SLC1A4: variants seen among roughly 807,000 people sequenced by gnomAD.
The protein encoded by SLC1A4 is neutral amino acid transporter A.
A neutral mutation model predicts 37.7 loss-of-function variants in SLC1A4; 19 were observed. The ratio of observed to expected loss-of-function variants is 0.50; its 90% confidence interval spans 0.35 to 0.74. The LOEUF (loss-of-function observed/expected upper bound fraction) is 0.74. SLC1A4 is among the 30% of genes least tolerant of loss of function. The pLI is 0.01. For missense variants in SLC1A4, 570 were observed against 712.9 expected (o/e 0.80, Z 2.28); for synonymous variants, 299 against 309.8 (o/e 0.97, Z 0.37).
At chr2:65,020,085 T>C (rs899368193) in intron 7 of SLC1A4, among the ~76,000 whole-genome samples, 3 of 152,214 alleles carry the variant, frequency 2.0e-5, no homozygotes, top group African/African-American at 7.2e-5. Context: ...GAAAGGATAG[T>C]GATATTTTCT....
chr2:65,007,724 T>A (rs774725580), intron 3 of SLC1A4, among the ~76,000 whole-genome samples: 3 of 152,188 alleles, frequency 2.0e-5, no homozygotes, highest in Non-Finnish European at 4.4e-5. Flanking sequence ...TAAATGTGCA[T>A]AGTTTGGGGG....
In SLC1A4 at chr2:65,021,054, G is replaced by A. The variant is rs370627888; in HGVS notation, c.1507G>A (p.Glu503Lys). Reference sequence around the variant, plus strand: ...GGAAGCCATCCCCAACTGCAAGTCTGAGGAGGAGACATCGCCCCTGGTGAC... The same window carrying A: ...GGAAGCCATCCCCAACTGCAAGTCTAAGGAGGAGACATCGCCCCTGGTGAC... Reference protein sequence around the residue: ...KVEAIPNCKSEEETSPLVTHQ... With the variant: ...KVEAIPNCKSKEETSPLVTHQ... The change falls in exon 8 of 8, where the codon GAG (glutamate) becomes AAG (lysine). Residue 503 changes from glutamate (E) to lysine (K), a missense_variant. Physicochemically the swap from Glu to Lys is moderately conservative, Grantham distance 56 (BLOSUM62 1). Transcript: ENST00000234256. The A allele has an allele frequency of 6.2e-7, 1 of 1,614,240 alleles. No individual in the cohort carries two copies. The highest frequency in any genetic ancestry group is 8.5e-7 in the Non-Finnish European group (1 of 1,180,034).
chr2:64,993,105 T>A (rs566378385), intron 1 of SLC1A4, among the ~76,000 whole-genome samples: 2 of 152,368 alleles, frequency 1.3e-5, no homozygotes, highest in South Asian at 4.1e-4. Context: ...GAAATGAGAC[T>A]CTGCCAGTAA....
chr2:64,991,434 T>TTA (rs945473000), intron 1 of SLC1A4, among the ~76,000 whole-genome samples: 10 of 150,856 alleles, frequency 6.6e-5, no homozygotes, highest in Admixed American at 2.0e-4. Context: ...TTTTTTTTTT[T>TTA]TTTTTTTTTT....
chr2:64,992,985 A>T (rs975588652), intron 1 of SLC1A4, among the ~76,000 whole-genome samples: 1 of 152,206 alleles, frequency 6.6e-6, no homozygotes, highest in African/African-American at 2.4e-5. Flanking sequence ...CATCAAAATT[A>T]AAAAATTGCT....
chr2:65,007,280 GTGT>G (rs1002586536), intron 3 of SLC1A4, among the ~76,000 whole-genome samples: 1 of 151,646 alleles, frequency 6.6e-6, no homozygotes, highest in Non-Finnish European at 1.5e-5. Flanking sequence ...TTGTGTGTGT[GTGT>G]GTGTGTCTGT....
intron 5 of SLC1A4, among the ~76,000 whole-genome samples, chr2:65,017,213 T>C (rs1674176079): frequency 1.3e-5 from 2 of 152,140 alleles, no homozygotes; most frequent in South Asian, 4.1e-4. Context: ...TCTCCCTTTC[T>C]GGATATGTGA....
rs748525795 is a variant in SLC1A4 at position 65,020,988 on chromosome 2, G to C, written c.1441G>C (p.Ala481Pro). 6.2e-7 allele frequency: 1 copy of C among 1,614,242 alleles called. No homozygotes were observed. Among genetic ancestry groups the C allele is most frequent in the Non-Finnish European group, 8.5e-7 (1 of 1,180,042 alleles). Residue 481 changes from alanine (A) to proline (P), a missense_variant, in exon 8 of 8, where the codon GCA becomes CCA. Physicochemically the swap from Ala to Pro is conservative, Grantham distance 27. Coordinates refer to ENST00000234256, the MANE Select transcript of SLC1A4 (RefSeq NM_003038.5). ...CATTCTCCACCACCTGAATCAGAAG[G>C]CAACAAAGAAAGGCGAGCAGGAACT... ...AGILHHLNQKATKKGEQELAE... is the reference protein window; with the variant it reads ...AGILHHLNQKPTKKGEQELAE...
chr2:64,991,394 C>T (rs1469573493), intron 1 of SLC1A4, among the ~76,000 whole-genome samples: 1 of 148,422 alleles, frequency 6.7e-6, no homozygotes, highest in Non-Finnish European at 1.5e-5. Context: ...TAGTGGTGGC[C>T]TATTAGGACT....
intron 1 of SLC1A4, chr2:64,999,724 T>C (rs1673393415): frequency 6.6e-6 from 1 of 151,950 alleles, no homozygotes; most frequent in Admixed American, 6.6e-5. Flanking sequence ...CTCAGTTGGC[T>C]CTTGGCTGGA....
chr2:65,004,786 T>C (rs1176383082), intron 3 of SLC1A4, among the ~76,000 whole-genome samples: 2 of 152,218 alleles, frequency 1.3e-5, no homozygotes, highest in East Asian at 3.8e-4. Flanking sequence ...GATACTTGCA[T>C]TTACTTAGAA....
Position 64,990,261 on chromosome 2 carries a change from A to C in SLC1A4, c.527+91A>C, listed in dbSNP as rs937956961. On this transcript the variant is annotated intron_variant, in intron 1 of 7. Transcript: ENST00000234256. ...TACACCCATATGCTTATACACTCCT[A>C]AGAGTTAATTCTTAGCTGGCTGCTG... is the stretch of plus-strand genomic sequence containing the variant. The C allele has an allele frequency of 4.2e-6, 5 of 1,197,480 alleles. No homozygotes were observed. In the African/African-American group the frequency reaches 7.7e-5, roughly 19 times the overall value. The allele number at this position is 1,197,480 out of a possible 1,614,324, so 74.2% of individuals were successfully genotyped here.
Position 65,018,232 on chromosome 2 carries a change from T to C in SLC1A4, c.1196T>C (p.Val399Ala), listed in dbSNP as rs770439879. Residue 399 changes from valine to alanine, a missense_variant, in exon 6 of 8, where the codon GTA becomes GCA. By Grantham distance (64) the Val-to-Ala change is moderately conservative. Transcript: ENST00000234256. The surrounding 1 kb of genome is among the most constrained non-coding windows in gnomAD (Gnocchi z 4.3). Reference protein sequence around the residue: ...AAVFIAQLNNVELNAGQIFTI... With the variant: ...AAVFIAQLNNAELNAGQIFTI... The stretch of plus-strand genomic sequence containing the variant: ...GTGTTCATTGCGCAACTCAACAACG[T>C]AGAGCTCAACGCAGGACAGATTTTC... The C allele has an allele frequency of 6.2e-7, 1 of 1,614,138 alleles. No homozygotes were observed. The highest frequency in any genetic ancestry group is 8.5e-7 in the Non-Finnish European group (1 of 1,180,010).
At chr2:65,000,879 C>G (rs1454976582) in intron 1 of SLC1A4, 3 of 152,596 alleles carry the variant, frequency 2.0e-5, no homozygotes, top group Non-Finnish European at 2.9e-5. Flanking sequence ...CCTACACACT[C>G]CCCCCAATTG....
chr2:64,989,769 A>G lies in SLC1A4; in HGVS notation c.126A>G (p.Gln42=), dbSNP rs1370427284. ...ARRCAGFLRR[Q]ALVLLTVSGV... ...GTTGCGCGGGCTTCCTGCGGCGCCA[A>G]GCGCTGGTGCTGCTCACCGTGTCCG... Residue 42 remains glutamine (Q), a synonymous_variant, in exon 1 of 8, where the codon CAA becomes CAG. Transcript: ENST00000234256. The G allele has an allele frequency of 5.5e-6, 8 of 1,449,522 alleles. No homozygotes were observed. Among genetic ancestry groups the G allele is most frequent in the Admixed American group, 3.1e-5 (1 of 32,250 alleles). The allele number at this position is 1,449,522 out of a possible 1,614,324, so 89.8% of individuals were successfully genotyped here. A position where few individuals can be genotyped will look rare whatever the true frequency, so the allele number is the denominator to read the frequency against.
chr2:64,990,936 G>A (rs961620776), intron 1 of SLC1A4, among the ~76,000 whole-genome samples: 1 of 152,184 alleles, frequency 6.6e-6, no homozygotes, highest in Admixed American at 6.5e-5. Flanking sequence ...AGATGATGTA[G>A]TATCCTTTCT....
At position 65,016,679 on chromosome 2, in the gene SLC1A4, T is replaced by G; in HGVS notation, c.1034+6T>G. 1 of 1,595,572 alleles carries G rather than the reference T, an allele frequency of 6.3e-7. No homozygotes were observed. The highest frequency in any genetic ancestry group is 2.2e-5 in the East Asian group (1 of 44,804). On this transcript the variant is annotated splice_donor_region_variant and intron_variant, in intron 5 of 7. Coordinates refer to ENST00000234256, the MANE Select transcript of SLC1A4 (RefSeq NM_003038.5). Reference sequence around the variant, plus strand: ...GCATTTGCTACCTGCTCCAGGTGAGTGGGTTTTGGGTCTCTTCACTGCTCT... The same window carrying G: ...GCATTTGCTACCTGCTCCAGGTGAGGGGGTTTTGGGTCTCTTCACTGCTCT...
At chr2:64,996,799 C>T (rs1362076479) in intron 1 of SLC1A4, among the ~76,000 whole-genome samples, 1 of 152,136 alleles carries the variant, frequency 6.6e-6, no homozygotes, top group African/African-American at 2.4e-5. Flanking sequence ...GGGGATAGAA[C>T]TGGATCACCT....
chr2:65,008,847 T>C (rs1572960012), intron 3 of SLC1A4, among the ~76,000 whole-genome samples: 2 of 152,314 alleles, frequency 1.3e-5, no homozygotes, highest in East Asian at 3.9e-4. Context: ...ATAGCAACTT[T>C]ACATATTAGC....
Sources: allele counts gnomAD v4.1 joint callset (sites outside exome capture counted in the v4.1 genomes callset), GRCh38; gene constraint gnomAD v4.1.1; non-coding constraint Gnocchi (gnomAD v3.1); transcripts MANE v1.5; gene names NCBI Gene and HGNC (gene_info 2026-07-23, HGNC 2026-07-21).